The following TBC1D32 variants were observed in gnomAD, a reference collection of about 807,000 sequenced individuals.
The protein encoded by TBC1D32 is protein broad-minded.
In TBC1D32, 151 loss-of-function variants were observed where a neutral mutation model predicts 170.3. That is an observed-to-expected ratio of 0.89 (90% CI 0.78 to 1.01). TBC1D32 has a LOEUF of 1.01. Among genes scored for constraint, TBC1D32 ranks in the 50% least tolerant of loss-of-function variants. The pLI, the probability that TBC1D32 is intolerant of heterozygous loss-of-function variation, is 0.00. For missense variants in TBC1D32, 1,464 were observed against 1,457.1 expected, an observed-to-expected ratio of 1.00 and a Z score of -0.08; for synonymous variants, 498 against 488.0, an observed-to-expected ratio of 1.02 and a Z score of -0.27.
intron 12 of TBC1D32, among the ~76,000 whole-genome samples, chr6:121,289,380 A>G (rs532512057): frequency 5.3e-5 from 8 of 152,204 alleles, no homozygotes; most frequent in Non-Finnish European, 1.0e-4. Flanking sequence ...CAGCCAAATC[A>G]TGAGTGAACT....
chr6:121,112,953 A>G, intron 28 of TBC1D32, 109 bp downstream of exon 28: 2 of 785,018 alleles, frequency 2.5e-6, no homozygotes, highest in East Asian at 2.7e-5. Flanking sequence ...AATCACTAAT[A>G]TAGCTTAAAG....
Position 121,080,608 on chromosome 6 carries a change from A to G in TBC1D32, c.*163T>C, listed in dbSNP as rs1274800838. On this transcript the variant is annotated 3_prime_UTR_variant, in exon 32 of 32. Transcript: ENST00000398212. ...ACAACAAATTTACAAAAATGAATTCACAAATTGAGCTCATACCTACTTAAA... is the reference window on the plus strand; with the variant it reads ...ACAACAAATTTACAAAAATGAATTCGCAAATTGAGCTCATACCTACTTAAA... 1.2e-6 allele frequency: 1 copy of G among 850,856 alleles called. No homozygotes were observed. The highest frequency in any genetic ancestry group is 3.5e-5 in the Admixed American group (1 of 28,372). The allele number at this position is 850,856 out of a possible 1,614,324, so 52.7% of individuals were successfully genotyped here. A position where few individuals can be genotyped will look rare whatever the true frequency, so the allele number is the denominator to read the frequency against.
chr6:121,093,087 A>T (rs748107552), intron 30 of TBC1D32, among the ~76,000 whole-genome samples: 1 of 152,166 alleles, frequency 6.6e-6, no homozygotes, highest in Non-Finnish European at 1.5e-5. Flanking sequence ...TTAAATTAGA[A>T]TATATCTATG....
At chr6:121,249,154 T>C (rs1272631549) in intron 17 of TBC1D32, among the ~76,000 whole-genome samples, 1 of 151,730 alleles carries the variant, frequency 6.6e-6, no homozygotes, top group Non-Finnish European at 1.5e-5. Flanking sequence ...TGGTTTAACA[T>C]ACACACATCA....
chr6:121,334,105 A>G lies in TBC1D32; in HGVS notation c.155+171T>C, dbSNP rs1423440032. Reference sequence around the variant, plus strand: ...AGAAAGAGGCGGCAGAAGCTTTAGGAAATAAGAATAAATGTTAAATAAATT... The same window carrying G: ...AGAAAGAGGCGGCAGAAGCTTTAGGGAATAAGAATAAATGTTAAATAAATT... On this transcript the variant is annotated intron_variant, in intron 1 of 31. Transcript: ENST00000398212. Among the ~76,000 whole-genome samples, 4 of 152,164 alleles carry G rather than the reference A, an allele frequency of 2.6e-5. No homozygotes were observed. The South Asian group carries it at 6.2e-4, about 24-fold the overall frequency.
intron 16 of TBC1D32, 123 bp downstream of exon 16, chr6:121,255,961 G>A: frequency 1.2e-6 from 1 of 808,140 alleles, no homozygotes; most frequent in Non-Finnish European, 2.0e-6. Flanking sequence ...CTAGAGTACT[G>A]TGATGCTAAA....
At chr6:121,254,281 G>A (rs1798679580) in intron 17 of TBC1D32, among the ~76,000 whole-genome samples, 2 of 151,986 alleles carry the variant, frequency 1.3e-5, no homozygotes, top group African/African-American at 4.8e-5. Flanking sequence ...TTACATATTG[G>A]GTACAGTGTA....
intron 15 of TBC1D32, among the ~76,000 whole-genome samples, chr6:121,258,757 C>T (rs1314825684): frequency 6.6e-6 from 1 of 152,062 alleles, no homozygotes; most frequent in Non-Finnish European, 1.5e-5. Flanking sequence ...CACAGAAGTA[C>T]ACAAAAATAT....
Position 121,129,820 on chromosome 6 carries a change from G to C in TBC1D32, c.2899+1807C>G, listed in dbSNP as rs1444187083. The C allele has an allele frequency of 2.0e-5, 8 of 406,372 alleles. No individual in the cohort carries two copies. The East Asian group carries it at 2.2e-4, about 11-fold the overall frequency. The allele number at this position is 406,372 out of a possible 1,614,324, so 25.2% of individuals were successfully genotyped here. A position where few individuals can be genotyped will look rare whatever the true frequency, so the allele number is the denominator to read the frequency against. ...AGTTTCTCCTTTCAATGATTGAGTAGATACTATTGGTAATAATCAGAAAAG... is the reference window on the plus strand; with the variant it reads ...AGTTTCTCCTTTCAATGATTGAGTACATACTATTGGTAATAATCAGAAAAG... On this transcript the variant is annotated intron_variant, in intron 25 of 31. Coordinates refer to ENST00000398212, the MANE Select transcript of TBC1D32 (RefSeq NM_152730.6).
intron 30 of TBC1D32, among the ~76,000 whole-genome samples, chr6:121,094,764 A>T (rs1484636922): frequency 2.6e-5 from 4 of 152,130 alleles, no homozygotes; most frequent in African/African-American, 7.2e-5. Flanking sequence ...CATTGTAGAT[A>T]AACCACAATT....
At chr6:121,134,278 A>C (rs1781771432) in intron 24 of TBC1D32, among the ~76,000 whole-genome samples, 1 of 152,144 alleles carries the variant, frequency 6.6e-6, no homozygotes. Flanking sequence ...GAGGACATCC[A>C]TATAGCCCTT....
At chr6:121,136,616 G>A (rs967061840) in intron 24 of TBC1D32, among the ~76,000 whole-genome samples, 8 of 151,996 alleles carry the variant, frequency 5.3e-5, no homozygotes, top group Non-Finnish European at 7.4e-5. Context: ...TTATAGTAAC[G>A]AAAAAAATTA....
chr6:121,118,372 A>G (rs1347773988), intron 26 of TBC1D32, among the ~76,000 whole-genome samples: 2 of 152,174 alleles, frequency 1.3e-5, no homozygotes, highest in African/African-American at 4.8e-5. Flanking sequence ...AATTCAATCT[A>G]AGCTAGAGTT....
chr6:121,239,010 G>A (rs559514007), intron 20 of TBC1D32, 60 bp downstream of exon 20: 39 of 909,964 alleles, frequency 4.3e-5, no homozygotes, highest in South Asian at 3.1e-4. Flanking sequence ...AAGTATGAAC[G>A]AATTCATTTC....
At position 121,272,012 on chromosome 6, in the gene TBC1D32, T is replaced by C. The variant is rs1583500573; in HGVS notation, c.1733+7109A>G. On this transcript the variant is annotated intron_variant, in intron 15 of 31. Coordinates refer to ENST00000398212, the MANE Select transcript of TBC1D32 (RefSeq NM_152730.6). ...ACAAAAACAAGAAATGGGGAAACGA[T>C]TCCCTATTTAATAAATGGTGCTGGG... is the stretch of plus-strand genomic sequence containing the variant. 2.0e-5 allele frequency among the ~76,000 whole-genome samples: 3 copies of C among 152,262 alleles called. No individual in the cohort carries two copies. In the South Asian group the frequency reaches 6.2e-4, roughly 32 times the overall value.
intron 24 of TBC1D32, among the ~76,000 whole-genome samples, chr6:121,158,432 G>C (rs1785186324): frequency 6.6e-6 from 1 of 152,046 alleles, no homozygotes; most frequent in South Asian, 2.1e-4. Context: ...GGATTTCTAG[G>C]ACTGGGTTTC....
chr6:121,247,105 T>C (rs562104230), intron 17 of TBC1D32, among the ~76,000 whole-genome samples: 1 of 152,178 alleles, frequency 6.6e-6, no homozygotes, highest in Admixed American at 6.5e-5. Flanking sequence ...AGAAAACCTA[T>C]CAGACTAACA....
At chr6:121,284,042 G>T in intron 12 of TBC1D32, 132 bp from the exon 13 acceptor site, 1 of 654,202 alleles carries the variant, frequency 1.5e-6, no homozygotes, top group Non-Finnish European at 2.7e-6. Context: ...GAAGAAGGGA[G>T]CTATAATCTC....
intron 24 of TBC1D32, among the ~76,000 whole-genome samples, chr6:121,155,541 C>G (rs1784770617): frequency 1.3e-5 from 2 of 151,992 alleles, no homozygotes; most frequent in South Asian, 4.1e-4. Context: ...CTATGTTGAA[C>G]AAGTGTAGTG....
Sources: gnomAD v4.1 joint callset for allele counts (sites outside exome capture counted in the v4.1 genomes callset) on GRCh38, gnomAD v4.1.1 for gene constraint, MANE v1.5 for transcripts, NCBI Gene and HGNC (gene_info 2026-07-23, HGNC 2026-07-21) for gene names.